PCDHGB3: variants seen among roughly 807,000 people sequenced by gnomAD.
The protein encoded by PCDHGB3 is protocadherin gamma-B3.
In PCDHGB3, 40 loss-of-function variants were observed where a neutral mutation model predicts 59.2. That is an observed-to-expected ratio of 0.68 (90% confidence interval 0.52 to 0.88). PCDHGB3 has a LOEUF of 0.88. Ranked by LOEUF, PCDHGB3 falls within the 40% of genes least tolerant of loss-of-function variation. The pLI is 0.00. For missense variants in PCDHGB3, 1,309 were observed against 1,187.9 expected (o/e 1.10, Z -1.50); for synonymous variants, 581 against 503.6 (o/e 1.15, Z -2.06).
intron 1 of PCDHGB3, chr5:141,428,160 T>C (rs761366261): frequency 6.4e-7 from 1 of 1,572,286 alleles, no homozygotes; most frequent in Non-Finnish European, 8.7e-7. Context: ...AACCTGCTGG[T>C]TGCTGTGCGT....
At chr5:141,479,685 G>C (rs749895405) in intron 1 of PCDHGB3, 2 of 152,130 alleles carry the variant, frequency 1.3e-5, no homozygotes, top group Non-Finnish European at 2.9e-5. Context: ...AGTCTTTTTG[G>C]TGCCTCCAGT....
intron 2 of PCDHGB3, among the ~76,000 whole-genome samples, chr5:141,496,631 G>A (rs1434126210): frequency 6.6e-6 from 1 of 152,164 alleles, no homozygotes; most frequent in Admixed American, 6.5e-5. Context: ...CAAAAGGCTT[G>A]GGCTGCCCTT....
chr5:141,478,302 C>T lies in PCDHGB3; in HGVS notation c.2416-16505C>T. On this transcript the variant is annotated intron_variant, in intron 1 of 3. Transcript: ENST00000576222. ...AAGCAGTCTAGAGACCTATACCGAG[C>T]CCCGGTGAGCTCACTGTACCGAACA... 4 of 1,614,070 alleles carry T rather than the reference C, an allele frequency of 2.5e-6. No individual in the cohort carries two copies. Among genetic ancestry groups the T allele is most frequent in the Non-Finnish European group, 3.4e-6 (4 of 1,180,038 alleles).
intron 1 of PCDHGB3, among the ~76,000 whole-genome samples, chr5:141,402,771 G>A (rs2094306356): frequency 6.6e-6 from 1 of 152,218 alleles, no homozygotes; most frequent in African/African-American, 2.4e-5. Context: ...ACTCCATCCG[G>A]ATTTCCAGTT....
chr5:141,390,246 C>T (rs1401463493), intron 1 of PCDHGB3: 5 of 1,613,922 alleles, frequency 3.1e-6, no homozygotes, highest in African/African-American at 1.3e-5. Context: ...GGCCTTATTT[C>T]CACTTTGTAA....
intron 1 of PCDHGB3, among the ~76,000 whole-genome samples, chr5:141,460,653 G>A (rs10058370): frequency 0.17 from 25,559 of 151,914 alleles, 2,196 homozygotes; most frequent in South Asian, 0.22. Flanking sequence ...TTACACATAT[G>A]TAACTGTAAA....
At position 141,370,756 on chromosome 5, in the gene PCDHGB3, T is replaced by G; in HGVS notation, c.362T>G (p.Val121Gly). ...CCTTTAAACTTTTTTCATGTAACTGTGCTGATCCAGGATATTAACGACAAC... is the reference window on the plus strand; with the variant it reads ...CCTTTAAACTTTTTTCATGTAACTGGGCTGATCCAGGATATTAACGACAAC... ...EKPLNFFHVT[V>G]LIQDINDNPP... The change falls in exon 1 of 4, where the codon GTG (valine) becomes GGG (glycine). Residue 121 changes from valine (V) to glycine (G), a missense_variant. Physicochemically the swap from Val to Gly is moderately radical, Grantham distance 109. Transcript: ENST00000576222. The G allele has an allele frequency of 6.2e-7, 1 of 1,613,974 alleles. No homozygotes were observed. Among genetic ancestry groups the G allele is most frequent in the Non-Finnish European group, 8.5e-7 (1 of 1,179,902 alleles).
intron 1 of PCDHGB3, chr5:141,388,215 G>A (rs2091280920): frequency 6.3e-7 from 1 of 1,597,062 alleles, no homozygotes. Flanking sequence ...GGCTGTTGCT[G>A]AAAATCCACT....
At chr5:141,456,312 G>A (rs1036961015) in intron 1 of PCDHGB3, among the ~76,000 whole-genome samples, 2 of 152,126 alleles carry the variant, frequency 1.3e-5, no homozygotes, top group African/African-American at 4.8e-5. Flanking sequence ...AGCAGCTAGG[G>A]CTCCTCCTGG....
chr5:141,435,979 C>T (rs1036607924), intron 1 of PCDHGB3, among the ~76,000 whole-genome samples: 4 of 152,008 alleles, frequency 2.6e-5, no homozygotes, highest in Non-Finnish European at 5.9e-5. Flanking sequence ...TGTGGTTCTA[C>T]TTGTGTGATT....
chr5:141,422,204 G>A lies in PCDHGB3; in HGVS notation c.2415+49395G>A, dbSNP rs185669562. On this transcript the variant is annotated intron_variant, in intron 1 of 3. Transcript: ENST00000576222. Reference sequence around the variant, plus strand: ...ATGGAAATTCAAGGCCAAGATGGTGGAGGTCTCTTTACCACCACGACGATG... The same window carrying A: ...ATGGAAATTCAAGGCCAAGATGGTGAAGGTCTCTTTACCACCACGACGATG... The A allele has an allele frequency of 1.7e-4, 269 of 1,562,138 alleles. No individual in the cohort carries two copies. The African/African-American group carries it at 3.6e-3, about 21-fold the overall frequency.
At chr5:141,475,282 G>C (rs942761003) in intron 1 of PCDHGB3, among the ~76,000 whole-genome samples, 2 of 152,150 alleles carry the variant, frequency 1.3e-5, no homozygotes, top group African/African-American at 4.8e-5. Context: ...TGAAAGACAG[G>C]GTAGGGAAAT....
At position 141,499,027 on chromosome 5, in the gene PCDHGB3, A is replaced by AG. The variant is rs1323149397; in HGVS notation, c.2474+4163dup. 7.4e-3 allele frequency among the ~76,000 whole-genome samples: 1,116 copies of AG among 149,928 alleles called. 12 individuals are homozygous for AG. Among genetic ancestry groups the AG allele is most frequent in the African/African-American group, 0.026 (1,074 of 40,604 alleles). On this transcript the variant is annotated intron_variant, in intron 2 of 3. Transcript: ENST00000576222. ...AAGGAAGGAAGGAAGGAAGGAAGGA[A>AG]GAAAAGAAAGAAAAAGGGAGAAAAA...
intron 1 of PCDHGB3, chr5:141,410,390 G>A: frequency 6.2e-7 from 1 of 1,614,012 alleles, no homozygotes; most frequent in South Asian, 1.1e-5. Flanking sequence ...CTTCCATCCT[G>A]GTCTCTGTGT....
At chr5:141,465,152 G>C (rs1028596804) in intron 1 of PCDHGB3, among the ~76,000 whole-genome samples, 1 of 151,422 alleles carries the variant, frequency 6.6e-6, no homozygotes, top group African/African-American at 2.4e-5. Flanking sequence ...TATATGAAGG[G>C]ACTCTAAATG....
At chr5:141,495,007 G>A in intron 2 of PCDHGB3, 142 bp downstream of exon 2, 4 of 1,522,158 alleles carry the variant, frequency 2.6e-6, no homozygotes, top group Non-Finnish European at 3.5e-6. Context: ...TTGGTGTGCG[G>A]GGGGCTGGCA....
At chr5:141,385,488 T>G in intron 1 of PCDHGB3, 1 of 1,400,248 alleles carries the variant, frequency 7.1e-7, no homozygotes, top group Non-Finnish European at 9.3e-7. Flanking sequence ...ATAGAACACA[T>G]AGGATATAGT....
At chr5:141,467,920 A>G (rs1244280087) in intron 1 of PCDHGB3, among the ~76,000 whole-genome samples, 1 of 152,124 alleles carries the variant, frequency 6.6e-6, no homozygotes, top group Non-Finnish European at 1.5e-5. Flanking sequence ...CAGCCTCCCA[A>G]AATGCTAGGA....
Position 141,490,520 on chromosome 5 carries a change from G to A in PCDHGB3, c.2416-4287G>A. 1 of 1,614,072 alleles carries A rather than the reference G, an allele frequency of 6.2e-7. No individual in the cohort carries two copies. Among genetic ancestry groups the A allele is most frequent in the Non-Finnish European group, 8.5e-7 (1 of 1,180,014 alleles). ...CACTATATCATCGAGCTGCTGGCCAGCGATGCTGGTTCACCTTCCCTACAC... is the reference window on the plus strand; with the variant it reads ...CACTATATCATCGAGCTGCTGGCCAACGATGCTGGTTCACCTTCCCTACAC... On this transcript the variant is annotated intron_variant, in intron 1 of 3. Coordinates refer to ENST00000576222, the MANE Select transcript of PCDHGB3 (RefSeq NM_018924.5). The surrounding 1 kb of genome is among the most constrained non-coding windows in gnomAD (Gnocchi z 5.4).
Sources: allele counts gnomAD v4.1 joint callset (sites outside exome capture counted in the v4.1 genomes callset), GRCh38; gene constraint gnomAD v4.1.1; non-coding constraint Gnocchi (gnomAD v3.1); transcripts MANE v1.5; gene names NCBI Gene and HGNC (gene_info 2026-07-23, HGNC 2026-07-21).